The following WDR90 variants were observed in gnomAD, a reference collection of about 807,000 sequenced individuals.
The protein encoded by WDR90 is WD repeat-containing protein 90.
A neutral mutation model predicts 195.2 loss-of-function variants in WDR90; 238 were observed. The ratio of observed to expected loss-of-function variants is 1.22; its 90% CI spans 1.10 to 1.36. WDR90 has a LOEUF of 1.36. WDR90 is among the 40% of genes most tolerant of loss of function. WDR90 has a pLI of 0.00. For missense variants in WDR90, 2,734 were observed against 2,439.5 expected (o/e 1.12, Z -2.54); for synonymous variants, 1,265 against 1,052.4 (o/e 1.20, Z -3.91).
In WDR90 at chr16:649,424, G is replaced by A. The variant is rs1450788699; in HGVS notation, c.8G>A (p.Arg3Gln). The change falls in exon 1 of 41, where the codon CGA becomes CAA. Residue 3 changes from arginine (R) to glutamine (Q), a missense_variant and splice_region_variant. By Grantham distance (43) the Arg-to-Gln change is conservative. Coordinates refer to ENST00000293879, the MANE Select transcript of WDR90 (RefSeq NM_145294.5). ...AGCTCGAGCGGCGGCGCCATGGCCC[G>A]AGGTAGCGCGCGGCTGGCGGGGGTC... MARAWQHPFLNVF... is the reference protein window; with the variant it reads MAQAWQHPFLNVF... 5 of 1,305,038 alleles carry A rather than the reference G, an allele frequency of 3.8e-6. No individual in the cohort carries two copies. Among genetic ancestry groups the A allele is most frequent in the Admixed American group, 4.1e-5 (1 of 24,150 alleles). The allele number at this position is 1,305,038 out of a possible 1,614,324, so 80.8% of individuals were successfully genotyped here. A position where few individuals can be genotyped will look rare whatever the true frequency, so the allele number is the denominator to read the frequency against.
intron 34 of WDR90, chr16:663,147 A>G (rs919404531): frequency 1.4e-5 from 7 of 490,034 alleles, no homozygotes; most frequent in African/African-American, 7.7e-5. Flanking sequence ...TGTCAAAGAA[A>G]TCACATCAGT....
Position 664,585 on chromosome 16 carries a change from C to T in WDR90, c.4312-1094C>T, listed in dbSNP as rs184153450. Among the ~76,000 whole-genome samples the T allele has an allele frequency of 3.5e-3, 539 of 152,296 alleles. 1 individual carries two copies. Among genetic ancestry groups the T allele is most frequent in the African/African-American group, 0.012 (494 of 41,562 alleles). ...CTGGGCGGTTCTGCCTGGGCCTGGA[C>T]TTTGCCGTTTCCTTGTAGGGCCCAG... is the stretch of plus-strand genomic sequence containing the variant. On this transcript the variant is annotated intron_variant, in intron 34 of 40. Coordinates refer to ENST00000293879, the MANE Select transcript of WDR90 (RefSeq NM_145294.5).
chr16:651,275 G>A lies in WDR90; in HGVS notation c.736+9G>A. ...TTCCCCTCCTGAGGCAGGTGGGTCT[G>A]GGGGGTCAGCGGGGACCCAGGTTAA... On this transcript the variant is annotated intron_variant, in intron 7 of 40. Coordinates refer to ENST00000293879, the MANE Select transcript of WDR90 (RefSeq NM_145294.5). 1 of 1,612,596 alleles carries A rather than the reference G, an allele frequency of 6.2e-7. No homozygotes were observed.
intron 22 of WDR90, 41 bp downstream of exon 22, chr16:658,385 G>A: frequency 6.2e-7 from 1 of 1,605,506 alleles, no homozygotes. Context: ...GGCCCTCCCT[G>A]TGCTGTCCAG....
chr16:661,298 C>A, intron 29 of WDR90, 44 bp from the exon 30 acceptor site: 1 of 1,549,742 alleles, frequency 6.5e-7, no homozygotes, highest in Non-Finnish European at 8.7e-7. Context: ...TCCACTCCAG[C>A]CAGCCACGGC....
At chr16:663,322 C>T (rs991193664) in intron 34 of WDR90, 6 of 317,916 alleles carry the variant, frequency 1.9e-5, no homozygotes, top group African/African-American at 1.1e-4. Context: ...CCTGTAATCC[C>T]AGCTACTCTG....
rs1567220656 is a variant in WDR90 at position 661,007 on chromosome 16, C to CG, written c.3392-44_3392-43insG. On this transcript the variant is annotated intron_variant, in intron 28 of 40. Coordinates refer to ENST00000293879, the MANE Select transcript of WDR90 (RefSeq NM_145294.5). ...CTCCCCAGGCCCCTCCCCGCCCCCC[C>CG]CCCCCCCCGGCCCGGCCTCAGGCCC... The CG allele has an allele frequency of 5.8e-5, 8 of 137,756 alleles. 1 individual carries two copies. In the East Asian group the frequency reaches 1.0e-3, roughly 18 times the overall value. 8.5% of individuals were successfully genotyped at this position (137,756 alleles called of 1,614,324 possible). A position where few individuals can be genotyped will look rare whatever the true frequency, so the allele number is the denominator to read the frequency against.
At chr16:649,200 G>A, upstream of WDR90, 1 of 458,162 alleles carries the variant, frequency 2.2e-6, no homozygotes, top group Admixed American at 4.4e-5. Flanking sequence ...GGCCCGCGGG[G>A]CAAAGGGCAG....
At chr16:659,039 C>T (rs1306261369) in intron 24 of WDR90, 28 bp downstream of exon 24, 2 of 1,613,116 alleles carry the variant, frequency 1.2e-6, no homozygotes, top group African/African-American at 1.3e-5. Context: ...GCTGTGTCTG[C>T]CTAGGCCCCC....
rs73487415 is a variant in WDR90 at position 649,384 on chromosome 16, G to A, written c.-33G>A. ...GGGCGTACTCTGCGCTGGGCGCGCG[G>A]AGGCCTAGGCGGGAAGCTCGAGCGG... On this transcript the variant is annotated 5_prime_UTR_variant, in exon 1 of 41. Transcript: ENST00000293879. The A allele has an allele frequency of 0.019, 25,884 of 1,328,552 alleles. 2,850 individuals are homozygous for A. In the African/African-American group the frequency reaches 0.28, roughly 15 times the overall value. The allele number at this position is 1,328,552 out of a possible 1,614,324, so 82.3% of individuals were successfully genotyped here.
intron 1 of WDR90, 148 bp from the exon 2 acceptor site, chr16:649,615 C>A (rs1238560031): frequency 8.7e-7 from 1 of 1,143,756 alleles, no homozygotes; most frequent in African/African-American, 1.7e-5. Context: ...CGCCCGGCCT[C>A]GTCCCGCCAG....
chr16:657,937 A>C, intron 21 of WDR90, 45 bp downstream of exon 21: 1 of 1,503,692 alleles, frequency 6.7e-7, no homozygotes, highest in Non-Finnish European at 8.9e-7. Flanking sequence ...GGGCCATGAG[A>C]GGCTGGCTGC....
At chr16:649,965 G>A in intron 2 of WDR90, 26 bp from the exon 3 acceptor site, 1 of 1,610,404 alleles carries the variant, frequency 6.2e-7, no homozygotes, top group South Asian at 1.1e-5. Context: ...GGGTGCTGTC[G>A]GTGATGCGGG....
In WDR90 at chr16:660,118, C is replaced by A; in HGVS notation, c.3245C>A (p.Ala1082Asp). The A allele has an allele frequency of 1.3e-6, 2 of 1,544,334 alleles. No homozygotes were observed. Among genetic ancestry groups the A allele is most frequent in the Non-Finnish European group, 1.7e-6 (2 of 1,143,260 alleles). ...PRTTYLASCK[A>D]FTPARVSCSP... is the part of the protein sequence containing the mutation. ...ACCACCTACCTGGCTTCCTGCAAGG[C>A]CTTCACGCCTGCCAGGGTCAGCTGC... The change falls in exon 27 of 41, where the codon GCC becomes GAC. Residue 1082 changes from alanine to aspartate, a missense_variant. Coordinates refer to ENST00000293879, the MANE Select transcript of WDR90 (RefSeq NM_145294.5).
At position 650,153 on chromosome 16, in the gene WDR90, G is replaced by C; in HGVS notation, c.265G>C (p.Asp89His). The change falls in exon 3 of 41, where the codon GAT becomes CAT. Residue 89 changes from aspartate to histidine, a missense_variant. Transcript: ENST00000293879. ...LPSKHFVIHLDVSSKDNQVIR... is the reference protein window; with the variant it reads ...LPSKHFVIHLHVSSKDNQVIR... ...CAGCAAGCACTTCGTCATCCACCTC[G>C]ATGTGTCCTCCAAGGTACGGAGCCC... 6.2e-7 allele frequency: 1 copy of C among 1,612,992 alleles called. No homozygotes were observed. Among genetic ancestry groups the C allele is most frequent in the Non-Finnish European group, 8.5e-7 (1 of 1,179,926 alleles).
chr16:655,862 G>A lies in WDR90; in HGVS notation c.1939G>A (p.Asp647Asn), dbSNP rs2037740872. The A allele has an allele frequency of 1.3e-6, 2 of 1,598,876 alleles. No homozygotes were observed. Among genetic ancestry groups the A allele is most frequent in the Non-Finnish European group, 1.7e-6 (2 of 1,175,358 alleles). ...CGGCTTCTTGCGGCTCTGGCCCCTG[G>A]ACTTCTCCTCGGTGCTCCTGGAGGC... ...EDGFLRLWPL[D>N]FSSVLLEAEH... The change falls in exon 17 of 41, where the codon GAC (aspartate) becomes AAC (asparagine). Residue 647 changes from aspartate (D) to asparagine (N), a missense_variant. Physicochemically the swap from Asp to Asn is conservative, Grantham distance 23 (BLOSUM62 1). Coordinates refer to ENST00000293879, the MANE Select transcript of WDR90 (RefSeq NM_145294.5).
At chr16:654,633 A>ACGGG (rs1291859685) in intron 13 of WDR90, 6 of 174,916 alleles carry the variant, frequency 3.4e-5, no homozygotes, top group Middle Eastern at 2.6e-3. Context: ...AACTTTTTGT[A>ACGGG]GAGATAGGGT....
chr16:664,551 TGGTTCTGCCTGGGC>T (rs1056012768), intron 34 of WDR90, among the ~76,000 whole-genome samples: 6 of 152,160 alleles, frequency 3.9e-5, no homozygotes, highest in African/African-American at 1.2e-4. Flanking sequence ...CCCGCCTGTG[TGGTTCTGCCTGGGC>T]GGTTCTGCCT....
chr16:664,201 C>T (rs553397937), intron 34 of WDR90, among the ~76,000 whole-genome samples: 2 of 151,828 alleles, frequency 1.3e-5, no homozygotes, highest in South Asian at 2.1e-4. Flanking sequence ...CTAGAGGAAA[C>T]CCCGTGCGTG....
Sources: allele counts gnomAD v4.1 joint callset (sites outside exome capture counted in the v4.1 genomes callset), GRCh38; gene constraint gnomAD v4.1.1; transcripts MANE v1.5; gene names NCBI Gene and HGNC (gene_info 2026-07-23, HGNC 2026-07-21).